The following HERC4 variants were observed in gnomAD, a reference collection of about 807,000 sequenced individuals.
HERC4 encodes the protein HECT and RLD domain containing E3 ubiquitin protein ligase 4.
In HERC4, 28 loss-of-function variants were observed where a neutral mutation model predicts 124.3. That is an observed-to-expected ratio of 0.23 (90% confidence interval 0.17 to 0.31). The LOEUF (loss-of-function observed/expected upper bound fraction) is 0.31. HERC4 is among the 10% of genes least tolerant of loss of function. HERC4 has a pLI of 1.00. For synonymous variants in HERC4, 407 were observed against 421.5 expected (o/e 0.97, Z 0.42); for missense variants, 713 against 1,229.3 (o/e 0.58, Z 6.28).
chr10:68,025,678 T>TA lies in HERC4; in HGVS notation c.778-3dup, dbSNP rs3834396. 155,148 of 1,604,932 alleles carry TA rather than the reference T, an allele frequency of 0.097. 11,398 individuals are homozygous for TA. The highest frequency in any genetic ancestry group is 0.42 in the East Asian group (18,558 of 44,568). On this transcript the variant is annotated splice_region_variant and splice_polypyrimidine_tract_variant and intron_variant, in intron 7 of 24. Coordinates refer to ENST00000373700, the MANE Select transcript of HERC4 (RefSeq NM_015601.4). ...TCCAAAAGTAAACACTCCACCTTCC[T>TA]AAAAAAAGACAAAACCCCTTATCAT... is the stretch of plus-strand genomic sequence containing the variant.
chr10:67,953,338 T>C (rs2033936202), intron 19 of HERC4, among the ~76,000 whole-genome samples: 1 of 152,242 alleles, frequency 6.6e-6, no homozygotes, highest in Non-Finnish European at 1.5e-5. Flanking sequence ...TGTCTATCTA[T>C]ATTAGGGTAT....
At chr10:68,071,592 C>T (rs534433217) in intron 3 of HERC4, among the ~76,000 whole-genome samples, 1 of 152,230 alleles carries the variant, frequency 6.6e-6, no homozygotes, top group South Asian at 2.1e-4. Flanking sequence ...CCATTTGTCT[C>T]TGGAGCAGAG....
At chr10:68,037,957 G>A (rs2039564163) in intron 5 of HERC4, 136 bp downstream of exon 5, 2 of 583,116 alleles carry the variant, frequency 3.4e-6, no homozygotes, top group South Asian at 4.6e-5. Context: ...AATTCTAAAA[G>A]TTATATGGAA....
At chr10:67,943,584 A>T (rs1478767650) in intron 19 of HERC4, among the ~76,000 whole-genome samples, 1 of 152,206 alleles carries the variant, frequency 6.6e-6, no homozygotes, top group East Asian at 1.9e-4. Flanking sequence ...TGAAACTAGG[A>T]TGCTTGGTGG....
chr10:68,040,328 T>C (rs1364992871), intron 4 of HERC4: 1 of 957,906 alleles, frequency 1.0e-6, no homozygotes, highest in Admixed American at 6.2e-5. Context: ...AAGAAAAAAC[T>C]ATCCCCTTTC....
At chr10:67,975,243 A>G (rs2035515313) in intron 15 of HERC4, among the ~76,000 whole-genome samples, 1 of 152,176 alleles carries the variant, frequency 6.6e-6, no homozygotes, top group Non-Finnish European at 1.5e-5. Context: ...AATAAAACCT[A>G]TCATTAAAGT....
At chr10:68,000,329 A>G (rs1376276373) in intron 9 of HERC4, among the ~76,000 whole-genome samples, 1 of 152,190 alleles carries the variant, frequency 6.6e-6, no homozygotes, top group African/African-American at 2.4e-5. Context: ...CTGTAATCCC[A>G]GCACTTTGAA....
At chr10:67,997,203 G>C (rs73263244) in intron 9 of HERC4, among the ~76,000 whole-genome samples, 12,019 of 152,162 alleles carry the variant, frequency 0.079, 1,258 homozygotes, top group African/African-American at 0.24. Flanking sequence ...ACTCAATTTA[G>C]AAGGACCTGC....
intron 3 of HERC4, among the ~76,000 whole-genome samples, chr10:68,056,255 G>C (rs751369018): frequency 8.6e-5 from 13 of 151,954 alleles, no homozygotes; most frequent in Non-Finnish European, 1.5e-4. Context: ...TAAATTTTTC[G>C]CTCTAATGTA....
In HERC4 at chr10:68,044,435, C is replaced by G; in HGVS notation, c.355G>C (p.Val119Leu). Reference protein sequence around the residue: ...GLDSDGQLGLVGSEECIRVPR... With the variant: ...GLDSDGQLGLLGSEECIRVPR... The stretch of plus-strand genomic sequence containing the variant: ...ACTCTGATGCATTCCTCTGATCCTA[C>G]CAGGCCAAGCTGTCCATCAGAATCG... Residue 119 changes from valine to leucine, a missense_variant, in exon 4 of 25, where the codon GTA becomes CTA. Physicochemically the swap from Val to Leu is conservative, Grantham distance 32 (BLOSUM62 1). Transcript: ENST00000373700. 6.2e-7 allele frequency: 1 copy of G among 1,614,058 alleles called. No homozygotes were observed.
chr10:68,059,557 A>G (rs1454910852), intron 3 of HERC4, among the ~76,000 whole-genome samples: 1 of 97,644 alleles, frequency 1.0e-5, no homozygotes, highest in African/African-American at 4.6e-5. Context: ...ATCATAATAT[A>G]TATCATAATA....
intron 4 of HERC4, among the ~76,000 whole-genome samples, chr10:68,041,295 C>A (rs964634253): frequency 3.5e-5 from 5 of 142,716 alleles, no homozygotes; most frequent in African/African-American, 1.2e-4. Flanking sequence ...AACACCAACT[C>A]ATTTCAATTT....
intron 20 of HERC4, 40 bp downstream of exon 20, chr10:67,940,899 C>T (rs1432948432): frequency 6.4e-7 from 1 of 1,573,744 alleles, no homozygotes; most frequent in African/African-American, 1.4e-5. Context: ...CTTTTTACCT[C>T]CCAAACCCTA....
chr10:67,988,311 T>C (rs896673173), intron 15 of HERC4, among the ~76,000 whole-genome samples: 12 of 152,082 alleles, frequency 7.9e-5, no homozygotes, highest in African/African-American at 2.9e-4. Flanking sequence ...TAGGACCCAA[T>C]CTCTTTCACA....
At position 68,069,102 on chromosome 10, in the gene HERC4, T is replaced by C. The variant is rs546921688; in HGVS notation, c.226+3781A>G. On this transcript the variant is annotated intron_variant, in intron 3 of 24. Transcript: ENST00000373700. ...CAAATGGAAATCAATGTGCAAAACA[T>C]AACCATGGTCACCAAATTATACCTA... 6.1e-6 allele frequency: 6 copies of C among 982,380 alleles called. No homozygotes were observed. The South Asian group carries it at 1.9e-4, about 31-fold the overall frequency. 60.9% of individuals were successfully genotyped at this position (982,380 alleles called of 1,614,324 possible). A position where few individuals can be genotyped will look rare whatever the true frequency, so the allele number is the denominator to read the frequency against.
intron 14 of HERC4, among the ~76,000 whole-genome samples, chr10:67,989,069 CTTG>C (rs2036419569): frequency 6.6e-6 from 1 of 151,956 alleles, no homozygotes; most frequent in Admixed American, 6.6e-5. Context: ...GTGTGAAAGT[CTTG>C]TTGAATTTAT....
intron 3 of HERC4, chr10:68,068,974 C>T: frequency 1.2e-6 from 1 of 860,618 alleles, no homozygotes; most frequent in Non-Finnish European, 1.4e-6. Flanking sequence ...TTGTAAAACA[C>T]AAAAAACTGT....
At chr10:68,059,576 C>CATATTATAT (rs2040779906) in intron 3 of HERC4, among the ~76,000 whole-genome samples, 7 of 65,810 alleles carry the variant, frequency 1.1e-4, no homozygotes, top group African/African-American at 6.2e-4. Flanking sequence ...TATTATATAT[C>CATATTATAT]ATATTATATA....
intron 22 of HERC4, among the ~76,000 whole-genome samples, chr10:67,934,899 T>C (rs916228106): frequency 6.6e-6 from 1 of 151,574 alleles, no homozygotes; most frequent in Non-Finnish European, 1.5e-5. Context: ...CATTCGTTTC[T>C]GGGAAGTTTT....
Sources: gnomAD v4.1 joint callset for allele counts (sites outside exome capture counted in the v4.1 genomes callset) on GRCh38, gnomAD v4.1.1 for gene constraint, MANE v1.5 for transcripts, NCBI Gene and HGNC (gene_info 2026-07-23, HGNC 2026-07-21) for gene names.